NR3C2: variants seen among roughly 807,000 people sequenced by gnomAD.
NR3C2 encodes the protein mineralocorticoid receptor.
A neutral mutation model predicts 86.4 loss-of-function variants in NR3C2; 15 were observed. That is an observed-to-expected ratio of 0.17 (90% CI 0.12 to 0.27). NR3C2 has a LOEUF of 0.27. NR3C2 is among the 10% of genes least tolerant of loss of function. NR3C2 has a pLI of 1.00. For synonymous variants in NR3C2, 458 were observed against 450.5 expected (o/e 1.02, Z -0.21); for missense variants, 960 against 1,195.6 (o/e 0.80, Z 2.91).
upstream of NR3C2, chr4:148,442,733 G>A: frequency 9.1e-6 from 9 of 985,426 alleles, no homozygotes; most frequent in Non-Finnish European, 1.1e-5. Flanking sequence ...TAAAGCCGCA[G>A]CCGCGGCGGG....
chr4:148,355,549 CCA>C (rs1186057942), intron 2 of NR3C2, among the ~76,000 whole-genome samples: 4 of 152,270 alleles, frequency 2.6e-5, no homozygotes, highest in South Asian at 2.1e-4. Flanking sequence ...CCAGGCAGTG[CCA>C]CCTCTGTACT....
At chr4:148,331,175 T>C (rs1744215867) in intron 2 of NR3C2, among the ~76,000 whole-genome samples, 1 of 142,342 alleles carries the variant, frequency 7.0e-6, no homozygotes, top group Admixed American at 7.0e-5. Context: ...TAAGGTTACT[T>C]GACAAGTGCA....
At chr4:148,386,115 C>T (rs765701878) in intron 2 of NR3C2, among the ~76,000 whole-genome samples, 2 of 152,128 alleles carry the variant, frequency 1.3e-5, no homozygotes, top group Non-Finnish European at 2.9e-5. Flanking sequence ...CACTCTAAAT[C>T]CCTCCTCCTC....
At position 148,080,927 on chromosome 4, in the gene NR3C2, T is replaced by A. The variant is rs1730523237; in HGVS notation, c.*417A>T. On this transcript the variant is annotated 3_prime_UTR_variant, in exon 9 of 9. Transcript: ENST00000358102. Reference sequence around the variant, plus strand: ...AAGAATATTAATGCCCCATATTGACTATACGTTTTATGTGCAAACCAAGGG... The same window carrying A: ...AAGAATATTAATGCCCCATATTGACAATACGTTTTATGTGCAAACCAAGGG... The A allele has an allele frequency of 3.1e-6, 1 of 325,866 alleles. No individual in the cohort carries two copies. The highest frequency in any genetic ancestry group is 7.8e-5 in the East Asian group (1 of 12,806). 20.2% of individuals were successfully genotyped at this position (325,866 alleles called of 1,614,324 possible). A position where few individuals can be genotyped will look rare whatever the true frequency, so the allele number is the denominator to read the frequency against.
intron 2 of NR3C2, among the ~76,000 whole-genome samples, chr4:148,354,389 G>A (rs1416777233): frequency 6.6e-6 from 1 of 152,064 alleles, no homozygotes; most frequent in African/African-American, 2.4e-5. Flanking sequence ...AGTTTTGGAG[G>A]CGTCAACAGT....
chr4:148,143,988 A>T (rs1284504392), intron 6 of NR3C2, among the ~76,000 whole-genome samples: 1 of 145,440 alleles, frequency 6.9e-6, no homozygotes, highest in Non-Finnish European at 1.5e-5. Flanking sequence ...TGAAGAACTG[A>T]GTTAGGAAGT....
chr4:148,182,227 A>G (rs1735679332), intron 4 of NR3C2, among the ~76,000 whole-genome samples: 8 of 152,202 alleles, frequency 5.3e-5, no homozygotes, highest in Admixed American at 5.2e-4. Context: ...CATGTTTTTA[A>G]TTTTAGAAAT....
intron 3 of NR3C2, among the ~76,000 whole-genome samples, chr4:148,198,948 C>T (rs1289675202): frequency 5.9e-5 from 9 of 151,476 alleles, no homozygotes; most frequent in African/African-American, 9.7e-5. Context: ...GGCATGGTGG[C>T]GGGTGCCTGT....
At chr4:148,095,194 A>C (rs754167866) in intron 8 of NR3C2, among the ~76,000 whole-genome samples, 33 of 152,096 alleles carry the variant, frequency 2.2e-4, no homozygotes, top group South Asian at 1.2e-3. Context: ...ATAAATATTA[A>C]TTTTGAAAAA....
At chr4:148,256,751 G>A (rs1206885304) in intron 3 of NR3C2, among the ~76,000 whole-genome samples, 3 of 152,092 alleles carry the variant, frequency 2.0e-5, no homozygotes, top group South Asian at 2.1e-4. Context: ...TAAAATGAAC[G>A]TATAAACCAT....
intron 3 of NR3C2, among the ~76,000 whole-genome samples, chr4:148,216,976 C>G (rs1363773759): frequency 6.6e-6 from 1 of 152,182 alleles, no homozygotes. Flanking sequence ...CACCACAGAG[C>G]TGGGGATAAG....
At chr4:148,205,028 G>A (rs1736932596) in intron 3 of NR3C2, among the ~76,000 whole-genome samples, 1 of 152,114 alleles carries the variant, frequency 6.6e-6, no homozygotes. Context: ...AGAGAGAAGG[G>A]ACTGTTGTTC....
intron 2 of NR3C2, among the ~76,000 whole-genome samples, chr4:148,316,724 T>C (rs922300471): frequency 2.0e-5 from 3 of 152,208 alleles, no homozygotes; most frequent in African/African-American, 7.2e-5. Flanking sequence ...TTAGAGAGCA[T>C]ACATTTTGGT....
chr4:148,405,960 A>G (rs1420651541), intron 2 of NR3C2, among the ~76,000 whole-genome samples: 1 of 152,198 alleles, frequency 6.6e-6, no homozygotes, highest in Non-Finnish European at 1.5e-5. Flanking sequence ...CCTGGGCAGC[A>G]CAGCATGACT....
At chr4:148,390,223 C>T (rs933422608) in intron 2 of NR3C2, among the ~76,000 whole-genome samples, 2 of 150,276 alleles carry the variant, frequency 1.3e-5, no homozygotes, top group African/African-American at 4.9e-5. Flanking sequence ...GATCAGGAAC[C>T]CTTCAAGTAT....
chr4:148,418,475 CA>C (rs1281138993), intron 2 of NR3C2, among the ~76,000 whole-genome samples: 1 of 152,124 alleles, frequency 6.6e-6, no homozygotes, highest in Non-Finnish European at 1.5e-5. Context: ...TCAGAGAATA[CA>C]GTTCTCAATT....
chr4:148,305,577 C>T (rs960223884), intron 2 of NR3C2, among the ~76,000 whole-genome samples: 3 of 151,618 alleles, frequency 2.0e-5, no homozygotes, highest in Non-Finnish European at 4.4e-5. Flanking sequence ...TTGTGAAACT[C>T]CTCTGAAAAC....
intron 5 of NR3C2, 100 bp from the exon 6 acceptor site, chr4:148,152,713 ACTTTTCT>A: frequency 8.4e-7 from 1 of 1,189,832 alleles, no homozygotes; most frequent in Non-Finnish European, 1.2e-6. Flanking sequence ...CCTTTCTTTC[ACTTTTCT>A]CTTTTCTGAC....
intron 3 of NR3C2, among the ~76,000 whole-genome samples, chr4:148,247,181 C>T (rs1739358589): frequency 6.6e-6 from 1 of 152,154 alleles, no homozygotes; most frequent in African/African-American, 2.4e-5. Flanking sequence ...TGCCACCTCA[C>T]GATGGGAAAT....
Sources: allele counts gnomAD v4.1 joint callset (sites outside exome capture counted in the v4.1 genomes callset), GRCh38; gene constraint gnomAD v4.1.1; transcripts MANE v1.5; gene names NCBI Gene and HGNC (gene_info 2026-07-23, HGNC 2026-07-21).